Variants in KIAA1328 observed in about 807,000 individuals in gnomAD.
KIAA1328 encodes protein hinderin.
Under a neutral mutation model 68.1 loss-of-function variants are expected in KIAA1328, and 52 were observed. The ratio of observed to expected loss-of-function variants is 0.76; its 90% CI spans 0.61 to 0.96. The LOEUF is 0.96. Among genes scored for constraint, KIAA1328 ranks in the 40% least tolerant of loss-of-function variants. The pLI, the probability that KIAA1328 is intolerant of heterozygous loss-of-function variation, is 0.00. For missense variants in KIAA1328, 641 were observed against 677.6 expected, an observed-to-expected ratio of 0.95 and a Z score of 0.60; for synonymous variants, 232 against 239.4, an observed-to-expected ratio of 0.97 and a Z score of 0.28.
chr18:36,877,471 A>G (rs186116031), intron 4 of KIAA1328, among the ~76,000 whole-genome samples: 13 of 148,392 alleles, frequency 8.8e-5, no homozygotes, highest in Non-Finnish European at 1.6e-4. Context: ...ACTCTGTTTT[A>G]TCAGAGAATA....
intron 5 of KIAA1328, chr18:36,924,821 G>T (rs2050054352): frequency 6.6e-6 from 1 of 152,068 alleles, no homozygotes; most frequent in Non-Finnish European, 1.5e-5. Context: ...GTTCCCAAAA[G>T]AACCCAAAGA....
chr18:37,183,242 A>G (rs1303111320), intron 9 of KIAA1328, among the ~76,000 whole-genome samples: 1 of 152,194 alleles, frequency 6.6e-6, no homozygotes, highest in African/African-American at 2.4e-5. Flanking sequence ...TTTTGTCCTC[A>G]TAATTAGCCA....
chr18:37,079,453 A>G (rs1447871570), intron 7 of KIAA1328, among the ~76,000 whole-genome samples: 2 of 149,334 alleles, frequency 1.3e-5, no homozygotes, highest in Non-Finnish European at 3.0e-5. Context: ...CACATTGTGC[A>G]CATGTACCCT....
chr18:37,033,410 G>C (rs2054908637), intron 6 of KIAA1328, among the ~76,000 whole-genome samples: 1 of 152,154 alleles, frequency 6.6e-6, no homozygotes. Context: ...GTTGTTGGTA[G>C]ATCAGATCTT....
chr18:36,992,537 G>A (rs904628996), intron 6 of KIAA1328, among the ~76,000 whole-genome samples: 1 of 142,728 alleles, frequency 7.0e-6, no homozygotes, highest in Non-Finnish European at 1.5e-5. Context: ...CTTAAATGTT[G>A]CATGTTCCTC....
intron 6 of KIAA1328, among the ~76,000 whole-genome samples, chr18:36,999,608 A>T (rs896443438): frequency 1.3e-5 from 2 of 152,214 alleles, no homozygotes; most frequent in Admixed American, 6.5e-5. Flanking sequence ...AGAGAATGGG[A>T]TGATATATTC....
At chr18:37,137,379 G>A (rs996520983) in intron 7 of KIAA1328, among the ~76,000 whole-genome samples, 2 of 151,820 alleles carry the variant, frequency 1.3e-5, no homozygotes, top group Admixed American at 1.3e-4. Flanking sequence ...CCTCATTTTT[G>A]CCTTGCTATT....
intron 6 of KIAA1328, among the ~76,000 whole-genome samples, chr18:36,988,933 T>C (rs1033651214): frequency 3.9e-5 from 6 of 152,194 alleles, no homozygotes; most frequent in Non-Finnish European, 7.3e-5. Flanking sequence ...TCAGTTAGAA[T>C]TGAATGAGTT....
rs373786200 is a variant in KIAA1328 at position 37,207,161 on chromosome 18, A to C, written c.1524-14856A>C. Reference sequence around the variant, plus strand: ...AGGTATCCTTTGTTTACCTTGAGTCAATTTTCTCAAAACTTCTTTGAGAAG... The same window carrying C: ...AGGTATCCTTTGTTTACCTTGAGTCCATTTTCTCAAAACTTCTTTGAGAAG... On this transcript the variant is annotated intron_variant, in intron 9 of 9. Transcript: ENST00000280020. Among the ~76,000 whole-genome samples, 11 of 152,274 alleles carry C rather than the reference A, an allele frequency of 7.2e-5. No individual in the cohort carries two copies. In the East Asian group the frequency reaches 2.1e-3, roughly 29 times the overall value.
At chr18:36,878,940 T>A (rs923348735) in intron 4 of KIAA1328, among the ~76,000 whole-genome samples, 1 of 152,224 alleles carries the variant, frequency 6.6e-6, no homozygotes, top group African/African-American at 2.4e-5. Flanking sequence ...GGTTCTTAGC[T>A]TCCTTGCATT....
At chr18:37,119,819 G>A (rs2058221239) in intron 7 of KIAA1328, among the ~76,000 whole-genome samples, 1 of 152,130 alleles carries the variant, frequency 6.6e-6, no homozygotes, top group African/African-American at 2.4e-5. Context: ...ACCTTTGTCT[G>A]CTGAGAGGGC....
chr18:36,913,479 T>TACACAC (rs10582262), intron 5 of KIAA1328, among the ~76,000 whole-genome samples: 2,044 of 91,408 alleles, frequency 0.022, 46 homozygotes, highest in South Asian at 0.024. Context: ...ATTACAACCT[T>TACACAC]ACACACACAC....
chr18:37,116,356 A>G (rs1313759792), intron 7 of KIAA1328, among the ~76,000 whole-genome samples: 2 of 152,160 alleles, frequency 1.3e-5, no homozygotes, highest in Non-Finnish European at 2.9e-5. Context: ...AAATAATACC[A>G]CACATCTACA....
chr18:36,885,235 A>C (rs998345137), intron 4 of KIAA1328, among the ~76,000 whole-genome samples: 3 of 152,170 alleles, frequency 2.0e-5, no homozygotes, highest in East Asian at 1.9e-4. Flanking sequence ...AATGAAACCC[A>C]TGTTTTAAAA....
At chr18:36,900,112 C>A (rs550520395) in intron 5 of KIAA1328, among the ~76,000 whole-genome samples, 2 of 151,792 alleles carry the variant, frequency 1.3e-5, no homozygotes, top group South Asian at 2.1e-4. Flanking sequence ...AGCCTCTCTC[C>A]GAAAAAACAA....
At chr18:36,919,587 A>C (rs2049840947) in intron 5 of KIAA1328, among the ~76,000 whole-genome samples, 1 of 152,222 alleles carries the variant, frequency 6.6e-6, no homozygotes, top group South Asian at 2.1e-4. Context: ...GTATATACCC[A>C]GTAATGGGAT....
intron 9 of KIAA1328, 84 bp from the exon 10 acceptor site, chr18:37,221,933 T>C (rs2060571079): frequency 7.5e-7 from 1 of 1,340,438 alleles, no homozygotes; most frequent in Non-Finnish European, 1.0e-6. Context: ...ATTCTTGCCC[T>C]GGACAGCCCA....
intron 7 of KIAA1328, among the ~76,000 whole-genome samples, chr18:37,086,282 G>A (rs1317742212): frequency 6.6e-6 from 1 of 152,158 alleles, no homozygotes; most frequent in Admixed American, 6.5e-5. Flanking sequence ...TTGTTAACCA[G>A]CTTGATTTAA....
chr18:36,914,187 T>G (rs2049588535), intron 5 of KIAA1328, among the ~76,000 whole-genome samples: 1 of 152,016 alleles, frequency 6.6e-6, no homozygotes, highest in Non-Finnish European at 1.5e-5. Flanking sequence ...ACAGATGGAG[T>G]GAAGAAATGC....
Sources: allele counts gnomAD v4.1 joint callset (sites outside exome capture counted in the v4.1 genomes callset), GRCh38; gene constraint gnomAD v4.1.1; transcripts MANE v1.5; gene names NCBI Gene and HGNC (gene_info 2026-07-23, HGNC 2026-07-21).